Variants in AVEN observed in about 807,000 individuals in gnomAD.
AVEN encodes the protein cell death regulator Aven.
In AVEN, 41 loss-of-function variants were observed where a neutral mutation model predicts 38.1. The observed-to-expected ratio is 1.08, with a 90% CI of 0.84 to 1.40. The LOEUF (loss-of-function observed/expected upper bound fraction) is 1.40, where lower values mean the gene tolerates loss of function less well. Among genes scored for constraint, AVEN ranks in the 40% most tolerant of loss-of-function variants. The probability of loss-of-function intolerance (pLI) is 0.00; values close to 1 mark genes in which losing one functional copy is unlikely to be tolerated. For synonymous variants in AVEN, 206 were observed against 171.8 expected (o/e 1.20, Z -1.56); for missense variants, 605 against 438.8 (o/e 1.38, Z -3.38).
At chr15:33,932,292 T>C (rs28647944) in intron 2 of AVEN, among the ~76,000 whole-genome samples, 2,127 of 152,268 alleles carry the variant, frequency 0.014, 56 homozygotes, top group African/African-American at 0.048. Flanking sequence ...AGAGTCTCCA[T>C]GTCCACCAGT....
chr15:33,902,024 A>C (rs114050763), intron 2 of AVEN, among the ~76,000 whole-genome samples: 1,800 of 152,254 alleles, frequency 0.012, 33 homozygotes, highest in African/African-American at 0.042. Flanking sequence ...GCAGAAGCCT[A>C]ATTTGATATA....
chr15:33,990,182 C>A (rs966917641), intron 2 of AVEN, among the ~76,000 whole-genome samples: 17 of 151,346 alleles, frequency 1.1e-4, no homozygotes, highest in African/African-American at 3.4e-4. Flanking sequence ...CCAGACTGGG[C>A]AACAGGGTGA....
chr15:33,920,630 G>A (rs1360473166), intron 2 of AVEN, among the ~76,000 whole-genome samples: 1 of 152,056 alleles, frequency 6.6e-6, no homozygotes, highest in Non-Finnish European at 1.5e-5. Context: ...CTTTAAAAAC[G>A]CAAAGAAAAA....
intron 5 of AVEN, among the ~76,000 whole-genome samples, chr15:34,062,294 G>T (rs924008087): frequency 6.6e-6 from 1 of 152,136 alleles, no homozygotes; most frequent in Non-Finnish European, 1.5e-5. Flanking sequence ...GGTGGCTCAC[G>T]CCTGTAATCC....
intron 11 of AVEN, chr15:33,860,753 C>A (rs987456291): frequency 4.2e-6 from 4 of 960,120 alleles, no homozygotes; most frequent in African/African-American, 3.3e-5. Context: ...TTACTTAGGG[C>A]CAGTACTAAG....
chr15:33,951,023 G>A (rs894882500), intron 2 of AVEN, among the ~76,000 whole-genome samples: 2 of 150,578 alleles, frequency 1.3e-5, no homozygotes, highest in Non-Finnish European at 3.0e-5. Context: ...AAAAGAAAGA[G>A]AAGGAAGGAA....
intron 2 of AVEN, among the ~76,000 whole-genome samples, chr15:33,926,771 C>T (rs938362973): frequency 1.3e-5 from 2 of 152,162 alleles, no homozygotes; most frequent in Non-Finnish European, 2.9e-5. Flanking sequence ...TCTCCCACCT[C>T]AGCCTCCCGA....
chr15:34,024,612 G>A (rs558001575), intron 1 of AVEN, among the ~76,000 whole-genome samples: 2 of 152,154 alleles, frequency 1.3e-5, no homozygotes, highest in East Asian at 3.9e-4. Context: ...CAGCACTTTG[G>A]GAGGCCGAGG....
chr15:33,961,023 CAG>C (rs2140469679), intron 2 of AVEN, among the ~76,000 whole-genome samples: 1 of 152,174 alleles, frequency 6.6e-6, no homozygotes, highest in South Asian at 2.1e-4. Flanking sequence ...TCTTTTGAGA[CAG>C]AGTCTTGCTC....
At chr15:33,998,610 T>C (rs866754194) in intron 2 of AVEN, among the ~76,000 whole-genome samples, 3 of 152,210 alleles carry the variant, frequency 2.0e-5, no homozygotes, top group South Asian at 4.1e-4. Context: ...TCTTTTTAAA[T>C]TCAAGAAAAA....
At chr15:34,023,364 T>C (rs926189504) in intron 1 of AVEN, among the ~76,000 whole-genome samples, 1 of 152,164 alleles carries the variant, frequency 6.6e-6, no homozygotes, top group African/African-American at 2.4e-5. Flanking sequence ...GCTAACCTCA[T>C]CTTGGCCGAG....
At chr15:34,056,071 T>C (rs1875350850) in intron 5 of AVEN, among the ~76,000 whole-genome samples, 1 of 152,150 alleles carries the variant, frequency 6.6e-6, no homozygotes, top group South Asian at 2.1e-4. Context: ...GAACTCAAAA[T>C]ATGCTGAGGG....
At chr15:33,878,031 G>A (rs892000675) in intron 2 of AVEN, among the ~76,000 whole-genome samples, 3 of 151,652 alleles carry the variant, frequency 2.0e-5, no homozygotes, top group African/African-American at 7.3e-5. Flanking sequence ...AAAATTCCTG[G>A]GAATGAATCA....
At chr15:33,978,942 G>A (rs1344601054) in intron 2 of AVEN, among the ~76,000 whole-genome samples, 1 of 150,400 alleles carries the variant, frequency 6.6e-6, no homozygotes, top group Non-Finnish European at 1.5e-5. Context: ...GCAAAAGTAA[G>A]GAGTAGGGGT....
At chr15:34,035,263 A>T (rs1490988701) in intron 1 of AVEN, among the ~76,000 whole-genome samples, 2 of 152,320 alleles carry the variant, frequency 1.3e-5, no homozygotes, top group East Asian at 3.9e-4. Context: ...TTTAAAAGGA[A>T]TATGAAAAGC....
At chr15:34,064,446 A>G in intron 4 of AVEN, 1 of 1,191,010 alleles carries the variant, frequency 8.4e-7, no homozygotes, top group Non-Finnish European at 1.2e-6. Flanking sequence ...ATTTTTGTAA[A>G]GGCTCAAGTT....
At chr15:34,028,102 C>T (rs1268031441) in intron 1 of AVEN, among the ~76,000 whole-genome samples, 2 of 152,034 alleles carry the variant, frequency 1.3e-5, no homozygotes, top group African/African-American at 4.8e-5. Flanking sequence ...CACAGAGAGA[C>T]CCCCCCTCAG....
chr15:33,870,552 T>C (rs1056658205), intron 4 of AVEN, among the ~76,000 whole-genome samples: 1 of 152,196 alleles, frequency 6.6e-6, no homozygotes, highest in Non-Finnish European at 1.5e-5. Flanking sequence ...TGTGTGACTA[T>C]TTGATTAATA....
chr15:34,002,699 A>G (rs562639801), intron 2 of AVEN, among the ~76,000 whole-genome samples: 8 of 152,370 alleles, frequency 5.3e-5, no homozygotes, highest in Middle Eastern at 6.8e-3. Context: ...CTACAAATAT[A>G]AGGAATGTTT....
Sources: gnomAD v4.1 joint callset for allele counts (sites outside exome capture counted in the v4.1 genomes callset) on GRCh38, gnomAD v4.1.1 for gene constraint, MANE v1.5 for transcripts, NCBI Gene and HGNC (gene_info 2026-07-23, HGNC 2026-07-21) for gene names.